The following CASD1 variants were observed in gnomAD, a reference collection of about 807,000 sequenced individuals.
The protein encoded by CASD1 is N-acetylneuraminate (7)9-O-acetyltransferase.
CASD1 carries 41 observed loss-of-function variants against 100.0 expected under a neutral mutation model. The observed-to-expected ratio is 0.41, with a 90% CI of 0.32 to 0.53. The LOEUF is 0.53. Ranked by LOEUF, CASD1 falls within the 20% of genes least tolerant of loss-of-function variation. The probability of loss-of-function intolerance (pLI) is 0.25; values close to 1 mark genes in which losing one functional copy is unlikely to be tolerated. For missense variants in CASD1, 774 were observed against 948.7 expected (o/e 0.82, Z 2.42); for synonymous variants, 321 against 315.6 (o/e 1.02, Z -0.18).
At chr7:94,557,860 A>C (rs1447402745), downstream of CASD1, among the ~76,000 whole-genome samples, 1 of 152,132 alleles carries the variant, frequency 6.6e-6, no homozygotes, top group African/African-American at 2.4e-5. Context: ...AAGTTGCCAC[A>C]ATGATAGCAC....
At chr7:94,608,390 G>A in the CASD1 span, among the ~76,000 whole-genome samples, 1 of 152,080 alleles carries the variant, frequency 6.6e-6, no homozygotes, top group Non-Finnish European at 1.5e-5. Context: ...TCTGTATGAG[G>A]AAGACTACAA....
chr7:94,533,338 G>C (rs1794944772), intron 6 of CASD1, 89 bp downstream of exon 6: 2 of 1,037,430 alleles, frequency 1.9e-6, no homozygotes, highest in African/African-American at 3.2e-5. Flanking sequence ...CAGAATTCTT[G>C]ATTGTACCTA....
the CASD1 span, among the ~76,000 whole-genome samples, chr7:94,582,049 CT>C: frequency 1.0e-3 from 153 of 151,398 alleles, no homozygotes; most frequent in African/African-American, 3.5e-3. Context: ...TATTTTTTGA[CT>C]TTTTTTTTAA....
the CASD1 span, among the ~76,000 whole-genome samples, chr7:94,633,900 C>G: frequency 5.5e-4 from 84 of 152,312 alleles, no homozygotes; most frequent in Non-Finnish European, 1.0e-3. Context: ...ACAGCCCCTT[C>G]ACTACAAAAA....
chr7:94,600,317 T>A, the CASD1 span: 1 of 278,886 alleles, frequency 3.6e-6, no homozygotes, highest in Non-Finnish European at 6.8e-6. Context: ...AATTACCATG[T>A]CAGTAGATTC....
chr7:94,601,443 C>CAAAA, the CASD1 span, among the ~76,000 whole-genome samples: 1,577 of 89,180 alleles, frequency 0.018, 295 homozygotes, highest in African/African-American at 0.058. Flanking sequence ...ATCCCAGTAT[C>CAAAA]AAAAAAAAAA....
chr7:94,538,547 G>C (rs976676700), intron 9 of CASD1, among the ~76,000 whole-genome samples: 6 of 152,066 alleles, frequency 3.9e-5, no homozygotes, highest in Admixed American at 3.3e-4. Context: ...TGTAATAATA[G>C]AGCTTTTTTT....
chr7:94,514,813 G>A (rs890520179), intron 1 of CASD1, among the ~76,000 whole-genome samples: 5 of 151,912 alleles, frequency 3.3e-5, no homozygotes, highest in Non-Finnish European at 7.4e-5. Flanking sequence ...TTATCTGAAC[G>A]CCTGGCAACA....
Position 94,545,702 on chromosome 7 carries a change from G to A in CASD1, c.1633+1G>A. 1 of 1,568,864 alleles carries A rather than the reference G, an allele frequency of 6.4e-7. No homozygotes were observed. The highest frequency in any genetic ancestry group is 8.7e-7 in the Non-Finnish European group (1 of 1,152,498). The stretch of plus-strand genomic sequence containing the variant: ...CAAATAATCCAAAAAAAAGCAAACG[G>A]TAAATATACTTTCTTACTAATGTTA... On this transcript the variant is annotated splice_donor_variant, in intron 12 of 17. Coordinates refer to ENST00000297273, the MANE Select transcript of CASD1 (RefSeq NM_022900.5). LOFTEE classifies it high-confidence loss of function.
the CASD1 span, chr7:94,598,007 T>A: frequency 2.6e-5 from 4 of 153,500 alleles, no homozygotes; most frequent in East Asian, 1.9e-4. Flanking sequence ...AACTCCATCT[T>A]AAAAAAAAAA....
At chr7:94,567,462 C>A in the CASD1 span, among the ~76,000 whole-genome samples, 2 of 152,134 alleles carry the variant, frequency 1.3e-5, no homozygotes, top group Non-Finnish European at 2.9e-5. Flanking sequence ...TGCCATGAGC[C>A]CCTTTTTTAC....
Position 94,517,065 on chromosome 7 carries a change from A to G in CASD1, c.134-495A>G, listed in dbSNP as rs560158604. On this transcript the variant is annotated intron_variant, in intron 1 of 17. Transcript: ENST00000297273. Reference sequence around the variant, plus strand: ...ACTACAGATGTGTGCCACCACATCCAGCCAATTTTTGTATTTTTAGTAGAG... The same window carrying G: ...ACTACAGATGTGTGCCACCACATCCGGCCAATTTTTGTATTTTTAGTAGAG... 3.5e-4 allele frequency among the ~76,000 whole-genome samples: 53 copies of G among 152,136 alleles called. No homozygotes were observed. The South Asian group carries it at 0.01, about 29-fold the overall frequency.
chr7:94,554,498 C>G lies in CASD1; in HGVS notation c.2050C>G (p.Leu684Val). 1 of 1,608,584 alleles carries G rather than the reference C, an allele frequency of 6.2e-7. No homozygotes were observed. Among genetic ancestry groups the G allele is most frequent in the Non-Finnish European group, 8.5e-7 (1 of 1,177,028 alleles). ...VSVVQILAFI[L>V]IRNIPGYARS... ...TTTTCTTTAGATTTTAGCCTTCATC[C>G]TAATAAGAAACATCCCTGGATATGC... Residue 684 changes from leucine to valine, a missense_variant, in exon 17 of 18, where the codon CTA (leucine) becomes GTA (valine). Around this residue, in one of 5 missense-constraint regions of CASD1, gnomAD observed 175 missense variants for 206.9 expected, o/e 0.85. Transcript: ENST00000297273.
At chr7:94,633,991 T>C in the CASD1 span, among the ~76,000 whole-genome samples, 1 of 152,082 alleles carries the variant, frequency 6.6e-6, no homozygotes, top group Non-Finnish European at 1.5e-5. Context: ...AACAACTGAG[T>C]ATAAGACCCT....
chr7:94,626,017 G>A, the CASD1 span: 5 of 152,050 alleles, frequency 3.3e-5, no homozygotes, highest in Non-Finnish European at 7.4e-5. Context: ...CACCTGCAAT[G>A]CATTTTACTG....
rs1369118013 is a variant in CASD1, at chr7:94,510,071, A to T, written c.-14A>T. ...TCCCGCTCCGCCGCGCACTGTTGTC[A>T]TGGAGGAACCAAGATGGCGGCTCTG... On this transcript the variant is annotated 5_prime_UTR_variant, in exon 1 of 18. The change abolishes an upstream ATG in the 5' untranslated region. Coordinates refer to ENST00000297273, the MANE Select transcript of CASD1 (RefSeq NM_022900.5). 8 of 1,511,938 alleles carry T rather than the reference A, an allele frequency of 5.3e-6. No individual in the cohort carries two copies. The highest frequency in any genetic ancestry group is 7.1e-6 in the Non-Finnish European group (8 of 1,127,592). 93.7% of individuals were successfully genotyped at this position (1,511,938 alleles called of 1,614,324 possible). A position where few individuals can be genotyped will look rare whatever the true frequency, so the allele number is the denominator to read the frequency against.
chr7:94,622,904 A>G, the CASD1 span, among the ~76,000 whole-genome samples: 3 of 152,164 alleles, frequency 2.0e-5, no homozygotes, highest in African/African-American at 7.2e-5. Flanking sequence ...TACTTAGACT[A>G]TTACCTACAG....
chr7:94,571,812 A>G, the CASD1 span, among the ~76,000 whole-genome samples: 9 of 152,272 alleles, frequency 5.9e-5, no homozygotes, highest in East Asian at 1.7e-3. Flanking sequence ...ATGGCTGCCA[A>G]AAGTGTGGCA....
At chr7:94,582,961 T>TG in the CASD1 span, among the ~76,000 whole-genome samples, 1 of 152,208 alleles carries the variant, frequency 6.6e-6, no homozygotes, top group Non-Finnish European at 1.5e-5. Context: ...AATTCTGAAA[T>TG]GCAAATTTTT....
Sources: gnomAD v4.1 joint callset for allele counts (sites outside exome capture counted in the v4.1 genomes callset) on GRCh38, gnomAD v4.1.1 for gene constraint, gnomAD v4.1.1 regional missense constraint, MANE v1.5 for transcripts, NCBI Gene and HGNC (gene_info 2026-07-23, HGNC 2026-07-21) for gene names.